Variants in MGST1 observed in about 807,000 individuals in gnomAD.
MGST1 encodes the protein microsomal glutathione S-transferase 1.
MGST1 carries 5 observed loss-of-function variants against 8.9 expected under a neutral mutation model. That is an observed-to-expected ratio of 0.56 (90% confidence interval 0.29 to 1.19). MGST1 has a LOEUF of 1.19. MGST1 is among the 50% of genes most tolerant of loss of function. MGST1 has a pLI of 0.08. For synonymous variants in MGST1, 54 were observed against 67.8 expected, an observed-to-expected ratio of 0.80 and a Z score of 1.00; for missense variants, 182 against 187.4, an observed-to-expected ratio of 0.97 and a Z score of 0.17.
At chr12:16,540,792 A>T (rs1346257140) in intron 4 of MGST1, among the ~76,000 whole-genome samples, 1 of 152,174 alleles carries the variant, frequency 6.6e-6, no homozygotes, top group Non-Finnish European at 1.5e-5. Context: ...TTAGCTGGGC[A>T]TGCTGGCATG....
chr12:16,451,411 C>T (rs1941128098), intron 4 of MGST1, among the ~76,000 whole-genome samples: 1 of 151,820 alleles, frequency 6.6e-6, no homozygotes, highest in South Asian at 2.1e-4. Flanking sequence ...ATACAAAATA[C>T]ACTTTTTATG....
chr12:16,456,905 TC>T (rs1180957276), intron 4 of MGST1, among the ~76,000 whole-genome samples: 1 of 151,924 alleles, frequency 6.6e-6, no homozygotes, highest in Non-Finnish European at 1.5e-5. Flanking sequence ...ATTTGAATGT[TC>T]ACCCTCTAAC....
downstream of MGST1, among the ~76,000 whole-genome samples, chr12:16,368,524 C>T (rs766782939): frequency 5.9e-5 from 9 of 152,232 alleles, no homozygotes; most frequent in Middle Eastern, 3.4e-3. Context: ...TCAGCCAAAG[C>T]GGCACCTCTA....
Position 16,362,672 on chromosome 12 carries a change from G to C in MGST1, c.222-1123G>C, listed in dbSNP as rs1052899299. On this transcript the variant is annotated intron_variant, in intron 3 of 3. Transcript: ENST00000396210. The surrounding 1 kb of genome is among the most constrained non-coding windows in gnomAD (Gnocchi z 4.4). The stretch of plus-strand genomic sequence containing the variant: ...TAAGTATTTTTAAAAATGTTGCTGG[G>C]CATGATGGCTTGCACCTATAAACCC... 6.6e-6 allele frequency: 1 copy of C among 152,156 alleles called. No homozygotes were observed. The highest frequency in any genetic ancestry group is 2.4e-5 in the African/African-American group (1 of 41,436). The allele number at this position is 152,156 out of a possible 1,614,324, so 9.4% of individuals were successfully genotyped here. A position where few individuals can be genotyped will look rare whatever the true frequency, so the allele number is the denominator to read the frequency against.
At chr12:16,583,849 G>T (rs1418261921) in intron 4 of MGST1, among the ~76,000 whole-genome samples, 1 of 152,172 alleles carries the variant, frequency 6.6e-6, no homozygotes, top group African/African-American at 2.4e-5. Context: ...TGGGTTCATA[G>T]TGGGCAGGAA....
At chr12:16,558,545 C>T (rs1467278651) in intron 4 of MGST1, among the ~76,000 whole-genome samples, 4 of 151,940 alleles carry the variant, frequency 2.6e-5, no homozygotes, top group African/African-American at 7.3e-5. Context: ...TTTGTATATC[C>T]TTATCCCTAC....
chr12:16,508,867 T>C (rs1941558033), intron 4 of MGST1, among the ~76,000 whole-genome samples: 1 of 152,202 alleles, frequency 6.6e-6, no homozygotes, highest in South Asian at 2.1e-4. Flanking sequence ...GCTTACCATC[T>C]GCAAAATTAG....
intron 1 of MGST1, among the ~76,000 whole-genome samples, chr12:16,393,943 T>C (rs1940576017): frequency 6.6e-6 from 1 of 152,260 alleles, no homozygotes; most frequent in Non-Finnish European, 1.5e-5. Context: ...TTTAGGCTGC[T>C]TCTAGTTTTT....
At position 16,547,489 on chromosome 12, in the gene MGST1, T is replaced by A. The variant is rs1169225684; in HGVS notation, n.483-42039T>A. Among the ~76,000 whole-genome samples, 1 of 152,186 alleles carries A rather than the reference T, an allele frequency of 6.6e-6. No individual in the cohort carries two copies. Among genetic ancestry groups the A allele is most frequent in the Non-Finnish European group, 1.5e-5 (1 of 68,026 alleles). On this transcript the variant is annotated intron_variant and non_coding_transcript_variant, in intron 4 of 4. Transcript: ENST00000538857. The surrounding 1 kb of genome is among the most constrained non-coding windows in gnomAD (Gnocchi z 4.6). The stretch of plus-strand genomic sequence containing the variant: ...AGAGGTAGAAGATGCTATTCGCTTT[T>A]GTGTGCTCATTATTAGCAGGTTGGA...
downstream of MGST1, among the ~76,000 whole-genome samples, chr12:16,443,734 TC>T (rs1941056758): frequency 6.6e-6 from 1 of 151,898 alleles, no homozygotes; most frequent in African/African-American, 2.4e-5. Context: ...TGGCCAACAG[TC>T]TCATATGTAT....
chr12:16,587,998 G>A lies in MGST1; in HGVS notation n.483-1530G>A, dbSNP rs530369721. Among the ~76,000 whole-genome samples, 4 of 152,160 alleles carry A rather than the reference G, an allele frequency of 2.6e-5. No homozygotes were observed. The highest frequency in any genetic ancestry group is 9.6e-5 in the African/African-American group (4 of 41,526). On this transcript the variant is annotated intron_variant and non_coding_transcript_variant, in intron 4 of 4. Coordinates refer to the MGST1 transcript ENST00000538857. The surrounding 1 kb of genome is among the most constrained non-coding windows in gnomAD (Gnocchi z 4.3). Reference sequence around the variant, plus strand: ...TCCCTTTCTTTCAGATAATTACCCTGTCTTTCTCTTACGACTTCTTTCCCA... The same window carrying A: ...TCCCTTTCTTTCAGATAATTACCCTATCTTTCTCTTACGACTTCTTTCCCA...
chr12:16,372,148 A>G (rs1012705884), intron 3 of MGST1, among the ~76,000 whole-genome samples: 4 of 152,112 alleles, frequency 2.6e-5, no homozygotes, highest in Non-Finnish European at 5.9e-5. Flanking sequence ...CTAAAGCCTC[A>G]AAAACACAGG....
intron 1 of MGST1, among the ~76,000 whole-genome samples, chr12:16,384,877 C>G (rs963999396): frequency 6.6e-6 from 1 of 152,214 alleles, no homozygotes; most frequent in African/African-American, 2.4e-5. Flanking sequence ...CAGAAGGCAG[C>G]TGATGGCTGC....
intron 4 of MGST1, among the ~76,000 whole-genome samples, chr12:16,523,748 C>T (rs1459989039): frequency 2.6e-5 from 4 of 152,026 alleles, no homozygotes; most frequent in African/African-American, 7.2e-5. Flanking sequence ...AGACTGGAAA[C>T]TTAGTTTTCA....
intron 1 of MGST1, among the ~76,000 whole-genome samples, chr12:16,408,030 CAAAAAAAAAAAAAAA>C (rs200073692): frequency 2.3e-5 from 1 of 44,098 alleles, no homozygotes. Context: ...GACTCTGTCT[CAAAAAAAAAAAAAAA>C]AAAAAAAAAA....
At chr12:16,573,418 T>A (rs982117741) in intron 4 of MGST1, 2 of 152,174 alleles carry the variant, frequency 1.3e-5, no homozygotes, top group African/African-American at 4.8e-5. Context: ...TTAAAAGATA[T>A]TTGAACGCGT....
chr12:16,402,156 G>A, intron 1 of MGST1: 5 of 1,547,188 alleles, frequency 3.2e-6, no homozygotes, highest in Non-Finnish European at 4.5e-6. Context: ...CTTAGTGTTG[G>A]CAATTTGTTT....
At position 16,517,052 on chromosome 12, in the gene MGST1, A is replaced by C. The variant is rs1941620122; in HGVS notation, n.483-72476A>C. On this transcript the variant is annotated intron_variant and non_coding_transcript_variant, in intron 4 of 4. Transcript: ENST00000538857. This position sits in a 1 kb window ranked among gnomAD's most constrained non-coding sequence, Gnocchi z 4.2. ...GTGGCTACAGTGAGCTGAACCCCCA[A>C]GAATATAGACATGAATGAAATTGGA... 6.6e-6 allele frequency among the ~76,000 whole-genome samples: 1 copy of C among 152,216 alleles called. No homozygotes were observed. Among genetic ancestry groups the C allele is most frequent in the Non-Finnish European group, 1.5e-5 (1 of 68,040 alleles).
At chr12:16,436,413 T>C (rs1295291586) in intron 1 of MGST1, among the ~76,000 whole-genome samples, 1 of 151,908 alleles carries the variant, frequency 6.6e-6, no homozygotes, top group East Asian at 2.0e-4. Context: ...TCTTGCAGGA[T>C]AGGTACTCTT....
Sources: allele counts gnomAD v4.1 joint callset (sites outside exome capture counted in the v4.1 genomes callset), GRCh38; gene constraint gnomAD v4.1.1; non-coding constraint Gnocchi (gnomAD v3.1); transcripts MANE v1.5; gene names NCBI Gene and HGNC (gene_info 2026-07-23, HGNC 2026-07-21).